Variants in CAAP1 observed in about 807,000 individuals in gnomAD.
CAAP1 encodes the protein caspase activity and apoptosis inhibitor 1, also known as conserved anti-apoptotic protein.
CAAP1 carries 20 observed loss-of-function variants against 34.0 expected under a neutral mutation model. The ratio of observed to expected loss-of-function variants is 0.59; its 90% CI spans 0.41 to 0.86. CAAP1 has a LOEUF of 0.86. Among genes scored for constraint, CAAP1 ranks in the 40% least tolerant of loss-of-function variants. CAAP1 has a pLI of 0.00. For synonymous variants in CAAP1, 213 were observed against 166.7 expected (o/e 1.28, Z -2.14); for missense variants, 538 against 450.5 (o/e 1.19, Z -1.76).
intron 4 of CAAP1, among the ~76,000 whole-genome samples, chr9:26,871,586 A>G (rs976233977): frequency 6.6e-6 from 1 of 151,146 alleles, no homozygotes; most frequent in African/African-American, 2.4e-5. Context: ...TTAAAAAAAA[A>G]AAAAAAAAGA....
At chr9:26,891,442 A>G (rs942835909) in intron 1 of CAAP1, among the ~76,000 whole-genome samples, 6 of 152,190 alleles carry the variant, frequency 3.9e-5, no homozygotes, top group Admixed American at 2.0e-4. Flanking sequence ...TCATTTGGAA[A>G]GCATTTGGTG....
chr9:26,870,088 A>C (rs1823238323), intron 4 of CAAP1: 1 of 292,492 alleles, frequency 3.4e-6, no homozygotes, highest in African/African-American at 2.3e-5. Context: ...AAAACAGATA[A>C]CAATGCTTCC....
chr9:26,864,674 A>T (rs985357292), intron 4 of CAAP1, among the ~76,000 whole-genome samples: 6 of 152,204 alleles, frequency 3.9e-5, no homozygotes, highest in Non-Finnish European at 4.4e-5. Flanking sequence ...TTTTAAAGTG[A>T]CTAAAGGGAA....
chr9:26,851,897 C>T (rs1698563530), intron 5 of CAAP1, among the ~76,000 whole-genome samples: 2 of 152,064 alleles, frequency 1.3e-5, no homozygotes, highest in African/African-American at 4.8e-5. Flanking sequence ...CATAATCTAC[C>T]CATCCTAGGA....
chr9:26,860,705 T>C (rs1401148306), intron 5 of CAAP1, among the ~76,000 whole-genome samples: 1 of 150,852 alleles, frequency 6.6e-6, no homozygotes, highest in Non-Finnish European at 1.5e-5. Context: ...GGCAGGAGAA[T>C]GGCGTGAACC....
chr9:26,880,303 G>T, intron 4 of CAAP1: 1 of 351,894 alleles, frequency 2.8e-6, no homozygotes, highest in Non-Finnish European at 5.5e-6. Flanking sequence ...TGGACGCACT[G>T]GTCTGATTTG....
intron 5 of CAAP1, among the ~76,000 whole-genome samples, chr9:26,850,983 T>C (rs549255011): frequency 6.6e-6 from 1 of 152,324 alleles, no homozygotes; most frequent in East Asian, 1.9e-4. Flanking sequence ...GCCTGTAAAC[T>C]TGACTTTTAA....
rs1171628621 is a variant in CAAP1 at position 26,847,198 on chromosome 9, A to ATTTTTTTTTTTTTTTTTTTTT, written c.740-4572_740-4552dup. 2.3e-4 allele frequency among the ~76,000 whole-genome samples: 8 copies of ATTTTTTTTTTTTTTTTTTTTT among 34,708 alleles called. 2 individuals carry two copies. The highest frequency in any genetic ancestry group is 4.0e-4 in the Non-Finnish European group (8 of 20,060). 22.8% of individuals were successfully genotyped at this position (34,708 alleles called of 152,430 possible). A position where few individuals can be genotyped will look rare whatever the true frequency, so the allele number is the denominator to read the frequency against. On this transcript the variant is annotated intron_variant, in intron 5 of 5. Transcript: ENST00000333916. ...TTTTTACTAGTAAGTAAAAAGCAAT[A>ATTTTTTTTTTTTTTTTTTTTT]TTTTTTTTTTTTTTTTTTTTTTTTT...
At chr9:26,889,110 T>C (rs1587131787) in intron 1 of CAAP1, among the ~76,000 whole-genome samples, 1 of 152,010 alleles carries the variant, frequency 6.6e-6, no homozygotes, top group South Asian at 2.1e-4. Context: ...CTTTCTGGAG[T>C]GATGAAAATA....
At chr9:26,890,607 C>T (rs1823877331) in intron 1 of CAAP1, among the ~76,000 whole-genome samples, 3 of 151,942 alleles carry the variant, frequency 2.0e-5, no homozygotes, top group Admixed American at 1.3e-4. Context: ...TAATTCAATC[C>T]ATTACAAAAA....
intron 5 of CAAP1, among the ~76,000 whole-genome samples, chr9:26,846,100 C>G (rs945285844): frequency 1.3e-5 from 2 of 150,866 alleles, no homozygotes; most frequent in Non-Finnish European, 2.9e-5. Flanking sequence ...GCCAATTCTT[C>G]CTTCTTTCCA....
intron 4 of CAAP1, chr9:26,880,047 T>C (rs1391434977): frequency 5.4e-6 from 1 of 185,254 alleles, no homozygotes; most frequent in Non-Finnish European, 1.1e-5. Context: ...CTTTTGACTC[T>C]ATGGCAAAAA....
At chr9:26,882,902 C>T (rs750382643) in intron 4 of CAAP1, among the ~76,000 whole-genome samples, 1 of 152,104 alleles carries the variant, frequency 6.6e-6, no homozygotes, top group Non-Finnish European at 1.5e-5. Flanking sequence ...TTGACTGCCT[C>T]GCTGGATTTC....
In CAAP1 at chr9:26,842,450, G is replaced by C; in HGVS notation, c.937C>G (p.Pro313Ala). The change falls in exon 6 of 6, where the codon CCA becomes GCA. Residue 313 changes from proline to alanine, a missense_variant. Pro to Ala is a conservative substitution (Grantham distance 27). Coordinates refer to ENST00000333916, the MANE Select transcript of CAAP1 (RefSeq NM_024828.4). ...AGGGTGGCTGCTTTGGGTTCGTTTGGGCTAGACTCTGCCAGTCCTAGAATC... is the reference window on the plus strand; with the variant it reads ...AGGGTGGCTGCTTTGGGTTCGTTTGCGCTAGACTCTGCCAGTCCTAGAATC... ...NEILGLAESS[P>A]NEPKAATLAV... The C allele has an allele frequency of 6.2e-7, 1 of 1,614,090 alleles. No individual in the cohort carries two copies. Among genetic ancestry groups the C allele is most frequent in the Non-Finnish European group, 8.5e-7 (1 of 1,180,022 alleles).
Position 26,892,435 on chromosome 9 carries a change from C to T in CAAP1, c.281G>A (p.Ser94Asn), listed in dbSNP as rs1385969687. The change falls in exon 1 of 6, where the codon AGC (serine) becomes AAC (asparagine). Residue 94 changes from serine to asparagine, a missense_variant. Physicochemically the swap from Ser to Asn is conservative, Grantham distance 46. This residue lies in a region of CAAP1 where 514 missense variants were observed against 408.4 expected (regional missense o/e 1.26). Transcript: ENST00000333916. ...CACCTGCTGCAAGGAGCCCGAGACG[C>T]TGGAAGAGTCGGTACTCCTCCGCTT... ...RRKRRSTDSS[S>N]VSGSLQQETK... is the part of the protein sequence containing the mutation. 1 of 1,601,786 alleles carries T rather than the reference C, an allele frequency of 6.2e-7. No homozygotes were observed. The highest frequency in any genetic ancestry group is 1.7e-5 in the Admixed American group (1 of 58,948).
chr9:26,891,390 A>G (rs1030403949), intron 1 of CAAP1, among the ~76,000 whole-genome samples: 1 of 152,214 alleles, frequency 6.6e-6, no homozygotes, highest in African/African-American at 2.4e-5. Context: ...AGAAATAGGT[A>G]TTCTTATATA....
intron 4 of CAAP1, among the ~76,000 whole-genome samples, chr9:26,878,356 G>T (rs899085878): frequency 6.6e-6 from 1 of 152,070 alleles, no homozygotes; most frequent in African/African-American, 2.4e-5. Flanking sequence ...TGGTCATTAT[G>T]GTCAATTCCT....
rs1822498581 is a variant in CAAP1, at chr9:26,842,260, T to G, written c.*41A>C. 2.8e-6 allele frequency: 4 copies of G among 1,443,732 alleles called. No homozygotes were observed. The highest frequency in any genetic ancestry group is 3.7e-6 in the Non-Finnish European group (4 of 1,070,956). The allele number at this position is 1,443,732 out of a possible 1,614,324, so 89.4% of individuals were successfully genotyped here. A position where few individuals can be genotyped will look rare whatever the true frequency, so the allele number is the denominator to read the frequency against. On this transcript the variant is annotated 3_prime_UTR_variant, in exon 6 of 6. Transcript: ENST00000333916. ...TAGATACAAAATTAAATGATGTGGC[T>G]TTGTTCAAACATACCTAAAATTCAA...
At chr9:26,849,702 T>C (rs1421439598) in intron 5 of CAAP1, among the ~76,000 whole-genome samples, 1 of 152,192 alleles carries the variant, frequency 6.6e-6, no homozygotes, top group Admixed American at 6.5e-5. Context: ...TCTTTAGGTA[T>C]TTTTTAAAAA....
Sources: gnomAD v4.1 joint callset for allele counts (sites outside exome capture counted in the v4.1 genomes callset) on GRCh38, gnomAD v4.1.1 for gene constraint, gnomAD v4.1.1 regional missense constraint, MANE v1.5 for transcripts, NCBI Gene and HGNC (gene_info 2026-07-23, HGNC 2026-07-21) for gene names.